The following MYO19 variants were observed in gnomAD, a reference collection of about 807,000 sequenced individuals.
MYO19 encodes the protein myosin XIX.
Under a neutral mutation model 129.2 loss-of-function variants are expected in MYO19, and 132 were observed. The ratio of observed to expected loss-of-function variants is 1.02; its 90% CI spans 0.89 to 1.18. The LOEUF (loss-of-function observed/expected upper bound fraction) is 1.18. Ranked by LOEUF, MYO19 falls within the 50% of genes most tolerant of loss-of-function variation. The pLI, the probability that MYO19 is intolerant of heterozygous loss-of-function variation, is 0.00. For synonymous variants in MYO19, 531 were observed against 477.2 expected (o/e 1.11, Z -1.47); for missense variants, 1,210 against 1,216.7 (o/e 0.99, Z 0.08).
At chr17:36,511,196 G>T in intron 12 of MYO19, 169 bp downstream of exon 12, 1 of 719,306 alleles carries the variant, frequency 1.4e-6, no homozygotes, top group Non-Finnish European at 2.3e-6. Context: ...GATACTGTCT[G>T]CCTCACCAGA....
At chr17:36,515,751 C>T in intron 7 of MYO19, 107 bp downstream of exon 7, 1 of 1,258,906 alleles carries the variant, frequency 7.9e-7, no homozygotes, top group Non-Finnish European at 1.1e-6. Context: ...CACTCATCCT[C>T]CACCCCCACC....
chr17:36,538,745 C>A, upstream of MYO19: 2 of 792,680 alleles, frequency 2.5e-6, no homozygotes, highest in Non-Finnish European at 3.9e-6. Context: ...ATCTAAACAG[C>A]AGTGATGCTT....
intron 3 of MYO19, 68 bp from the exon 4 acceptor site, chr17:36,528,270 A>G (rs2073610127): frequency 7.3e-6 from 11 of 1,499,362 alleles, no homozygotes; most frequent in East Asian, 2.5e-5. Flanking sequence ...GCACTCTGGG[A>G]GGCCAAGGCG....
At chr17:36,528,042 C>T (rs2073588939) in intron 4 of MYO19, 22 bp downstream of exon 4, 2 of 1,605,458 alleles carry the variant, frequency 1.2e-6, no homozygotes, top group South Asian at 2.2e-5. Context: ...GATGATACTC[C>T]TGAGGAATGG....
intron 3 of MYO19, 94 bp downstream of exon 3, chr17:36,532,433 C>T (rs2073885052): frequency 4.1e-6 from 6 of 1,450,444 alleles, no homozygotes; most frequent in Non-Finnish European, 5.7e-6. Flanking sequence ...AGAAAAGAGA[C>T]CTTTAAGGGG....
At chr17:36,533,732 C>G (rs1281728818) in intron 2 of MYO19, 3 of 152,316 alleles carry the variant, frequency 2.0e-5, no homozygotes, top group Non-Finnish European at 4.4e-5. Flanking sequence ...CAAGGGACAG[C>G]CATGCAGAGG....
At chr17:36,538,214 AGCCTTTT>A (rs779029016), upstream of MYO19, 20 of 1,613,234 alleles carry the variant, frequency 1.2e-5, no homozygotes, top group Non-Finnish European at 1.7e-5. Context: ...TGGCAAATTT[AGCCTTTT>A]GTATTTGGAT....
At position 36,528,296 on chromosome 17, in the gene MYO19, G is replaced by C. The variant is rs1444968279; in HGVS notation, c.13-94C>G. 5.3e-6 allele frequency: 7 copies of C among 1,326,888 alleles called. No homozygotes were observed. The Admixed American group carries it at 1.3e-4, about 24-fold the overall frequency. The allele number at this position is 1,326,888 out of a possible 1,614,324, so 82.2% of individuals were successfully genotyped here. On this transcript the variant is annotated intron_variant, in intron 3 of 25. Coordinates refer to ENST00000614623, the MANE Select transcript of MYO19 (RefSeq NM_001163735.2). Reference sequence around the variant, plus strand: ...GGCCAAGGCGGGCAGGACACAAAGTGAGGAGATCGAGACCATCCTGGTTAA... The same window carrying C: ...GGCCAAGGCGGGCAGGACACAAAGTCAGGAGATCGAGACCATCCTGGTTAA...
At position 36,510,905 on chromosome 17, in the gene MYO19, G is replaced by A. The variant is rs201915298; in HGVS notation, c.998C>T (p.Thr333Met). 5.5e-5 allele frequency: 86 copies of A among 1,576,680 alleles called. No homozygotes were observed. Among genetic ancestry groups the A allele is most frequent in the African/African-American group, 1.2e-4 (9 of 74,224 alleles). Residue 333 changes from threonine to methionine, a missense_variant, in exon 13 of 26, where the codon ACG becomes ATG. Physicochemically the swap from Thr to Met is moderately conservative, Grantham distance 81. Coordinates refer to ENST00000614623, the MANE Select transcript of MYO19 (RefSeq NM_001163735.2). ...TGGGAGCCCCAGCAGCGAGGCTGCC[G>A]TCCTGACAGAGTCTGGGAGGGGCAA... ...PMDDAKYSVRTAASLLGLPED... is the reference protein window; with the variant it reads ...PMDDAKYSVRMAASLLGLPED...
rs780076133 is a variant in MYO19 at position 36,527,710 on chromosome 17, G to A, written c.152-11C>T. ...GCAGGCACCTCAGGACTGAGGCAGA[G>A]ATGCCTTTAGCAAACTCGGGCTCAA... is the stretch of plus-strand genomic sequence containing the variant. On this transcript the variant is annotated splice_polypyrimidine_tract_variant and intron_variant, in intron 4 of 25. Coordinates refer to ENST00000614623, the MANE Select transcript of MYO19 (RefSeq NM_001163735.2). The A allele has an allele frequency of 1.9e-6, 3 of 1,604,942 alleles. No individual in the cohort carries two copies. Among genetic ancestry groups the A allele is most frequent in the South Asian group, 2.2e-5 (2 of 90,038 alleles).
Position 36,507,039 on chromosome 17 carries a change from C to G in MYO19, c.1568G>C (p.Arg523Pro). Residue 523 changes from arginine (R) to proline (P), a missense_variant, in exon 17 of 26, where the codon CGG becomes CCG. Transcript: ENST00000614623. Reference sequence around the variant, plus strand: ...ATGCACCACAATGAAGCTGGGCTCCCGGCTGAGCTTATTGTGGCCCAGGCA... The same window carrying G: ...ATGCACCACAATGAAGCTGGGCTCCGGGCTGAGCTTATTGTGGCCCAGGCA... ...SPCLGHNKLS[R>P]EPSFIVVHYA... 1 of 1,613,686 alleles carries G rather than the reference C, an allele frequency of 6.2e-7. No individual in the cohort carries two copies. The highest frequency in any genetic ancestry group is 8.5e-7 in the Non-Finnish European group (1 of 1,179,712).
chr17:36,504,187 C>A (rs2071724487), intron 19 of MYO19, 167 bp from the exon 20 acceptor site: 1 of 529,182 alleles, frequency 1.9e-6, no homozygotes, highest in South Asian at 2.8e-5. Context: ...AATCGAGGGA[C>A]CTTGAAAACA....
chr17:36,507,585 G>A, intron 15 of MYO19, 73 bp from the exon 16 acceptor site: 1 of 1,487,194 alleles, frequency 6.7e-7, no homozygotes. Context: ...TCCACGGCTG[G>A]CCTCGGTACC....
intron 6 of MYO19, among the ~76,000 whole-genome samples, chr17:36,520,373 T>C (rs1422758367): frequency 6.6e-6 from 1 of 152,192 alleles, no homozygotes; most frequent in Non-Finnish European, 1.5e-5. Flanking sequence ...ATTTTTGAGC[T>C]TTTTGGATCT....
At chr17:36,507,179 G>C (rs762420804) in intron 16 of MYO19, 40 bp from the exon 17 acceptor site, 1 of 1,578,774 alleles carries the variant, frequency 6.3e-7, no homozygotes, top group Non-Finnish European at 8.6e-7. Context: ...CAACATGAGA[G>C]TGTCTCACCA....
intron 6 of MYO19, among the ~76,000 whole-genome samples, chr17:36,521,203 G>A (rs1448975234): frequency 6.6e-6 from 1 of 152,156 alleles, no homozygotes; most frequent in Non-Finnish European, 1.5e-5. Context: ...TACTTACAGT[G>A]AGGCCCCATT....
intron 5 of MYO19, 78 bp downstream of exon 5, chr17:36,527,473 T>C (rs1252893036): frequency 1.4e-6 from 2 of 1,471,222 alleles, no homozygotes; most frequent in Non-Finnish European, 9.1e-7. Flanking sequence ...AATAGATGAA[T>C]AAGGACAGGG....
chr17:36,513,763 C>T (rs748182722), intron 9 of MYO19, 38 bp from the exon 10 acceptor site: 15 of 1,580,732 alleles, frequency 9.5e-6, no homozygotes, highest in Non-Finnish European at 1.3e-5. Flanking sequence ...GGTAGGGGGT[C>T]TGAGAAAAGC....
chr17:36,544,761 G>A (rs1215120159), upstream of MYO19: 1 of 154,418 alleles, frequency 6.5e-6, no homozygotes, highest in African/African-American at 2.4e-5. Context: ...CGGGCCCACG[G>A]GCGGGACGGC....
Sources: allele counts gnomAD v4.1 joint callset (sites outside exome capture counted in the v4.1 genomes callset), GRCh38; gene constraint gnomAD v4.1.1; transcripts MANE v1.5; gene names NCBI Gene and HGNC (gene_info 2026-07-23, HGNC 2026-07-21).